NWD1: variants seen among roughly 807,000 people sequenced by gnomAD.
NWD1 encodes NACHT domain- and WD repeat-containing protein 1.
In NWD1, 129 loss-of-function variants were observed where a neutral mutation model predicts 135.1. The ratio of observed to expected loss-of-function variants is 0.96; its 90% CI spans 0.83 to 1.11. The LOEUF is 1.11. Among genes scored for constraint, NWD1 ranks in the 50% least tolerant of loss-of-function variants. NWD1 has a pLI of 0.00. For missense variants in NWD1, 1,740 were observed against 1,851.3 expected, an observed-to-expected ratio of 0.94 and a Z score of 1.10; for synonymous variants, 773 against 786.0, an observed-to-expected ratio of 0.98 and a Z score of 0.28.
intron 18 of NWD1, among the ~76,000 whole-genome samples, chr19:16,811,586 GA>G (rs374876983): frequency 0.024 from 1,462 of 61,908 alleles, 14 homozygotes; most frequent in African/African-American, 0.071. Flanking sequence ...CTCTGTCTCA[GA>G]AAAAAAAAAA....
At position 16,788,927 on chromosome 19, in the gene NWD1, G is replaced by C. The variant is rs1462336678; in HGVS notation, c.2732-55G>C. The C allele has an allele frequency of 1.0e-5, 13 of 1,299,452 alleles. No individual in the cohort carries two copies. In the Admixed American group the frequency reaches 1.9e-4, roughly 19 times the overall value. The allele number at this position is 1,299,452 out of a possible 1,614,324, so 80.5% of individuals were successfully genotyped here. ...CAAGCTGACAAGCATTTTAATAGTT[G>C]CAAGGCCAAAATGTTCCCAGCTAAT... On this transcript the variant is annotated intron_variant, in intron 12 of 18. Coordinates refer to ENST00000524140, the MANE Select transcript of NWD1 (RefSeq NM_001007525.5).
chr19:16,733,271 A>G (rs948175414), intron 3 of NWD1, among the ~76,000 whole-genome samples: 8 of 151,980 alleles, frequency 5.3e-5, no homozygotes, highest in Non-Finnish European at 1.2e-4. Context: ...CTGTAATCCC[A>G]GCACTTTGGG....
At chr19:16,744,854 G>T (rs1241965056) in intron 5 of NWD1, 136 bp downstream of exon 5, 13 of 746,624 alleles carry the variant, frequency 1.7e-5, no homozygotes, top group Non-Finnish European at 3.0e-5. Context: ...TGGTCCCTCG[G>T]CTCTGAGAAA....
chr19:16,790,594 C>T (rs1970206267), intron 13 of NWD1, among the ~76,000 whole-genome samples: 1 of 150,148 alleles, frequency 6.7e-6, no homozygotes, highest in South Asian at 2.1e-4. Context: ...AACAAACCTG[C>T]ACGTTCGGCA....
intron 12 of NWD1, among the ~76,000 whole-genome samples, chr19:16,780,138 C>G (rs1057465535): frequency 6.6e-6 from 1 of 151,762 alleles, no homozygotes; most frequent in East Asian, 1.9e-4. Context: ...GGTCTCTCAT[C>G]CCCAGCAAAG....
At chr19:16,761,900 C>A in intron 7 of NWD1, 79 bp from the exon 8 acceptor site, 1 of 1,243,304 alleles carries the variant, frequency 8.0e-7, no homozygotes, top group Non-Finnish European at 1.1e-6. Context: ...GATTTGGGAA[C>A]TGCCTCCAGG....
At position 16,807,982 on chromosome 19, in the gene NWD1, C is replaced by T. The variant is rs371894240; in HGVS notation, c.4133C>T (p.Thr1378Ile). The T allele has an allele frequency of 1.4e-5, 23 of 1,614,030 alleles. No individual in the cohort carries two copies. The highest frequency in any genetic ancestry group is 1.9e-5 in the Non-Finnish European group (22 of 1,180,048). The change falls in exon 18 of 19, where the codon ACT becomes ATT. Residue 1378 changes from threonine (T) to isoleucine (I), a missense_variant. By Grantham distance (89) the Thr-to-Ile change is moderately conservative (BLOSUM62 -1). Coordinates refer to ENST00000524140, the MANE Select transcript of NWD1 (RefSeq NM_001007525.5). ...GACCTCTTTCTTTACGAGTGTGCAA[C>T]TTCCAAAGCGTTTCCCTTGGAGACC... ...NGDLFLYECATSKAFPLETHR... is the reference protein window; with the variant it reads ...NGDLFLYECAISKAFPLETHR...
intron 11 of NWD1, among the ~76,000 whole-genome samples, chr19:16,777,502 G>T: frequency 3.8e-5 from 1 of 26,516 alleles, no homozygotes; most frequent in Admixed American, 3.6e-4. Context: ...GGGGAGGAAA[G>T]GGAAGGGGAG....
chr19:16,754,812 A>G (rs539096337), intron 6 of NWD1, among the ~76,000 whole-genome samples: 1 of 149,202 alleles, frequency 6.7e-6, no homozygotes, highest in East Asian at 2.0e-4. Context: ...CCATCCATCC[A>G]TCCATCCACA....
intron 6 of NWD1, 25 bp from the exon 7 acceptor site, chr19:16,759,199 CA>C: frequency 6.3e-7 from 1 of 1,594,908 alleles, no homozygotes; most frequent in Non-Finnish European, 8.6e-7. Flanking sequence ...AGATGTGCCT[CA>C]AAGCCCCACT....
rs1164007408 is a variant in NWD1 at position 16,788,564 on chromosome 19, CA to C, written c.2732-399del. On this transcript the variant is annotated intron_variant, in intron 12 of 18. Transcript: ENST00000524140. ...AGCCTGGGTGACAGAGAGAGTCCGT[CA>C]AAAAAAAAAAAAAAAAAAGAGGGTT... Among the ~76,000 whole-genome samples the C allele has an allele frequency of 9.3e-3, 669 of 71,706 alleles. 4 individuals carry two copies. Among genetic ancestry groups the C allele is most frequent in the East Asian group, 0.027 (57 of 2,094 alleles). The allele number at this position is 71,706 out of a possible 152,430, so 47.0% of individuals were successfully genotyped here. A position where few individuals can be genotyped will look rare whatever the true frequency, so the allele number is the denominator to read the frequency against.
chr19:16,806,422 C>G (rs575332863), intron 17 of NWD1, among the ~76,000 whole-genome samples: 1 of 152,136 alleles, frequency 6.6e-6, no homozygotes, highest in Non-Finnish European at 1.5e-5. Context: ...AGTCTGGCCC[C>G]CTTGCTTCAA....
At chr19:16,768,942 C>T (rs1323519787) in intron 10 of NWD1, among the ~76,000 whole-genome samples, 1 of 152,220 alleles carries the variant, frequency 6.6e-6, no homozygotes, top group Non-Finnish European at 1.5e-5. Flanking sequence ...AGGGCCAGTG[C>T]TGCTGTCTCT....
chr19:16,812,258 G>A (rs1279156969), intron 18 of NWD1, among the ~76,000 whole-genome samples: 5 of 151,148 alleles, frequency 3.3e-5, no homozygotes, highest in African/African-American at 9.8e-5. Flanking sequence ...CAGTCAAGCC[G>A]AGATGGCATC....
At chr19:16,742,259 C>T (rs867410308) in intron 4 of NWD1, among the ~76,000 whole-genome samples, 29 of 152,014 alleles carry the variant, frequency 1.9e-4, no homozygotes, top group Middle Eastern at 3.4e-3. Context: ...CCTGTAATCC[C>T]AGCTACTCAG....
At chr19:16,730,698 T>C (rs1013453481) in intron 2 of NWD1, among the ~76,000 whole-genome samples, 11 of 151,912 alleles carry the variant, frequency 7.2e-5, no homozygotes, top group Non-Finnish European at 2.9e-5. Flanking sequence ...GCCTGGGTGA[T>C]GGAGTGAGAC....
Position 16,720,208 on chromosome 19 carries a change from C to T in NWD1, c.-190C>T, listed in dbSNP as rs1364846860. 1 of 152,172 alleles carries T rather than the reference C, an allele frequency of 6.6e-6. No individual in the cohort carries two copies. The allele number at this position is 152,172 out of a possible 1,614,324, so 9.4% of individuals were successfully genotyped here. On this transcript the variant is annotated 5_prime_UTR_variant, in exon 1 of 19. Coordinates refer to ENST00000524140, the MANE Select transcript of NWD1 (RefSeq NM_001007525.5). ...CCTACTATGTGCCAGGCACGCCAGC[C>T]TTACCAGACAAGATCCTTGGGCTCA...
rs762064582 is a variant in NWD1, at chr19:16,759,350, T to TG, written c.1896dup (p.Arg633AlafsTer34). 1 of 1,613,402 alleles carries TG rather than the reference T, an allele frequency of 6.2e-7. No homozygotes were observed. Among genetic ancestry groups the TG allele is most frequent in the Admixed American group, 1.7e-5 (1 of 59,908 alleles). On this transcript the variant is annotated frameshift_variant, in exon 7 of 19. Transcript: ENST00000524140. LOFTEE classifies it high-confidence loss of function. Reference sequence around the variant, plus strand: ...CTGCGCTTCCCGCCCCTGCTGTGGGTGCGGCTTCGTCGGGATCTGGGATAC... The same window carrying TG: ...CTGCGCTTCCCGCCCCTGCTGTGGGTGGCGGCTTCGTCGGGATCTGGGATAC...
chr19:16,762,101 T>G lies in NWD1; in HGVS notation c.2096T>G (p.Leu699Arg). ...WSQGTKKLITLPLVGKPLNLD... is the reference protein window; with the variant it reads ...WSQGTKKLITRPLVGKPLNLD... ...CAGGGTACCAAGAAGCTCATCACTC[T>G]GCCACTTGTGGGGAAACCACTGAAC... Residue 699 changes from leucine to arginine, a missense_variant, in exon 8 of 19, where the codon CTG (leucine) becomes CGG (arginine). Coordinates refer to ENST00000524140, the MANE Select transcript of NWD1 (RefSeq NM_001007525.5). The G allele has an allele frequency of 6.2e-7, 1 of 1,614,122 alleles. No individual in the cohort carries two copies. The highest frequency in any genetic ancestry group is 1.3e-5 in the African/African-American group (1 of 75,050).
Sources: gnomAD v4.1 joint callset for allele counts (sites outside exome capture counted in the v4.1 genomes callset) on GRCh38, gnomAD v4.1.1 for gene constraint, MANE v1.5 for transcripts, NCBI Gene and HGNC (gene_info 2026-07-23, HGNC 2026-07-21) for gene names.